The following MTCL1 variants were observed in gnomAD, a reference collection of about 807,000 sequenced individuals.
MTCL1 encodes the protein microtubule crosslinking factor 1.
In MTCL1, 79 loss-of-function variants were observed where a neutral mutation model predicts 141.4. That is an observed-to-expected ratio of 0.56 (90% CI 0.47 to 0.67). MTCL1 has a LOEUF of 0.67. Among genes scored for constraint, MTCL1 ranks in the 30% least tolerant of loss-of-function variants. The pLI is 0.00. For missense variants in MTCL1, 2,177 were observed against 2,113.9 expected, an observed-to-expected ratio of 1.03 and a Z score of -0.59; for synonymous variants, 914 against 875.8, an observed-to-expected ratio of 1.04 and a Z score of -0.77.
intron 15 of MTCL1, among the ~76,000 whole-genome samples, chr18:8,827,830 A>T (rs191068678): frequency 2.6e-5 from 4 of 152,232 alleles, no homozygotes; most frequent in African/African-American, 9.6e-5. Flanking sequence ...TAGGTTCTTG[A>T]TGGAATCCCA....
At chr18:8,832,748 G>A (rs1296050191) in exon 17 of MTCL1, 2 of 152,180 alleles carry the variant, frequency 1.3e-5, no homozygotes, top group Non-Finnish European at 2.9e-5. Context: ...AGACCGTGAT[G>A]AAGTAGAAAT....
intron 1 of MTCL1, among the ~76,000 whole-genome samples, chr18:8,710,427 C>G (rs1329036661): frequency 6.6e-6 from 1 of 151,176 alleles, no homozygotes; most frequent in Admixed American, 6.6e-5. Flanking sequence ...TATCCAAAGG[C>G]CTGGGCTTCT....
intron 13 of MTCL1, 93 bp from the exon 13 acceptor site, chr18:8,821,373 TG>T: frequency 1.3e-6 from 1 of 782,612 alleles, no homozygotes; most frequent in Non-Finnish European, 2.2e-6. Flanking sequence ...GGTGGTTTCC[TG>T]GGGGTGCAGA....
At chr18:8,749,726 C>T (rs2096360735) in intron 4 of MTCL1, among the ~76,000 whole-genome samples, 1 of 152,130 alleles carries the variant, frequency 6.6e-6, no homozygotes, top group African/African-American at 2.4e-5. Context: ...CCCTGGACCC[C>T]AGCGAACAGG....
At chr18:8,787,784 A>G (rs2075569799) in intron 7 of MTCL1, among the ~76,000 whole-genome samples, 1 of 152,234 alleles carries the variant, frequency 6.6e-6, no homozygotes, top group Non-Finnish European at 1.5e-5. Context: ...AAACTCAATT[A>G]TGCTGCAAAC....
chr18:8,763,694 C>T (rs1364229388), intron 4 of MTCL1, among the ~76,000 whole-genome samples: 1 of 152,210 alleles, frequency 6.6e-6, no homozygotes, highest in Non-Finnish European at 1.5e-5. Flanking sequence ...TTGTCAGTTC[C>T]AAAGAGGAGT....
chr18:8,756,423 ATGTGTATATATGTATATATG>A (rs1490653681), intron 4 of MTCL1, among the ~76,000 whole-genome samples: 2 of 145,412 alleles, frequency 1.4e-5, no homozygotes, highest in African/African-American at 2.7e-5. Context: ...ATGTGTATAT[ATGTGTATATATGTATATATG>A]TGTATATATG....
At chr18:8,751,298 C>G (rs184934758) in intron 4 of MTCL1, among the ~76,000 whole-genome samples, 112 of 152,192 alleles carry the variant, frequency 7.4e-4, no homozygotes, top group African/African-American at 2.6e-3. Context: ...GATATTTCAC[C>G]AGGTCCTCAG....
rs2076777503 is a variant in MTCL1 at position 8,819,661 on chromosome 18, T to G, written c.3156+402T>G. Among the ~76,000 whole-genome samples, 3 of 152,100 alleles carry G rather than the reference T, an allele frequency of 2.0e-5. No homozygotes were observed. In the South Asian group the frequency reaches 6.2e-4, roughly 32 times the overall value. ...CTCTCTTGCCCAGGGTGGAGTGGAG[T>G]GTCTGATAACGACTCACCACAGCCG... On this transcript the variant is annotated intron_variant, in intron 13 of 16. Transcript: ENST00000359865.
At chr18:8,762,575 G>A (rs946391969) in intron 4 of MTCL1, among the ~76,000 whole-genome samples, 25 of 152,238 alleles carry the variant, frequency 1.6e-4, no homozygotes, top group African/African-American at 6.0e-4. Flanking sequence ...CCCACAGAAG[G>A]CAGTTTCCTA....
intron 4 of MTCL1, among the ~76,000 whole-genome samples, chr18:8,776,863 A>T (rs1363852595): frequency 6.6e-6 from 1 of 152,032 alleles, no homozygotes; most frequent in Non-Finnish European, 1.5e-5. Flanking sequence ...CTGGACTCAA[A>T]CAATCTTCCC....
chr18:8,798,846 CA>C (rs2076016926), intron 10 of MTCL1, among the ~76,000 whole-genome samples: 1 of 152,138 alleles, frequency 6.6e-6, no homozygotes, highest in South Asian at 2.1e-4. Flanking sequence ...CTTAATAAAG[CA>C]AAAGATGCTA....
chr18:8,765,854 A>C (rs1216555692), intron 4 of MTCL1, among the ~76,000 whole-genome samples: 1 of 152,230 alleles, frequency 6.6e-6, no homozygotes, highest in African/African-American at 2.4e-5. Context: ...CAAAGAAGGA[A>C]GCAGGCAGAG....
At chr18:8,780,071 C>T (rs1197693482) in intron 5 of MTCL1, among the ~76,000 whole-genome samples, 1 of 152,210 alleles carries the variant, frequency 6.6e-6, no homozygotes, top group Non-Finnish European at 1.5e-5. Flanking sequence ...CACGTATAAC[C>T]TCCAGCGTGT....
chr18:8,829,411 T>A (rs2077126921), intron 16 of MTCL1: 1 of 984,346 alleles, frequency 1.0e-6, no homozygotes, highest in African/African-American at 1.7e-5. Context: ...AAGGCTTTTG[T>A]TTTTCATTTT....
chr18:8,742,461 T>C (rs2096309748), intron 4 of MTCL1, among the ~76,000 whole-genome samples: 1 of 152,194 alleles, frequency 6.6e-6, no homozygotes, highest in Non-Finnish European at 1.5e-5. Context: ...GGGAGGCAAG[T>C]CCTTCTTCAC....
intron 15 of MTCL1, 24 bp downstream of exon 14, chr18:8,826,256 A>G (rs762217380): frequency 1.9e-5 from 29 of 1,518,124 alleles, no homozygotes; most frequent in Non-Finnish European, 2.4e-5. Context: ...AGTGCCCCAC[A>G]CCCTTCCCCA....
At chr18:8,769,285 C>T (rs1481623385) in intron 4 of MTCL1, among the ~76,000 whole-genome samples, 2 of 152,138 alleles carry the variant, frequency 1.3e-5, no homozygotes, top group Non-Finnish European at 2.9e-5. Context: ...TGGATGTGCA[C>T]AGAGTTGGGA....
chr18:8,758,159 G>T (rs1472217271), intron 4 of MTCL1, among the ~76,000 whole-genome samples: 3 of 152,156 alleles, frequency 2.0e-5, no homozygotes, highest in African/African-American at 7.2e-5. Flanking sequence ...GAGTAGCTGG[G>T]ATTACAGGCA....
Sources: allele counts gnomAD v4.1 joint callset (sites outside exome capture counted in the v4.1 genomes callset), GRCh38; gene constraint gnomAD v4.1.1; transcripts MANE v1.5; gene names NCBI Gene and HGNC (gene_info 2026-07-23, HGNC 2026-07-21).